Variants in TTBK2 observed in about 807,000 individuals in gnomAD.
TTBK2 encodes the protein tau tubulin kinase 2, also known as tau-tubulin kinase 2.
In TTBK2, 28 loss-of-function variants were observed where a neutral mutation model predicts 110.8. The ratio of observed to expected loss-of-function variants is 0.25; its 90% CI spans 0.19 to 0.35. The LOEUF (loss-of-function observed/expected upper bound fraction) is 0.35, where lower values mean the gene tolerates loss of function less well. TTBK2 is among the 10% of genes least tolerant of loss of function. The pLI is 1.00. For synonymous variants in TTBK2, 532 were observed against 527.3 expected, an observed-to-expected ratio of 1.01 and a Z score of -0.12; for missense variants, 1,369 against 1,500.3, an observed-to-expected ratio of 0.91 and a Z score of 1.45.
chr15:42,784,380 C>A (rs1180568211), intron 10 of TTBK2, among the ~76,000 whole-genome samples: 2 of 152,012 alleles, frequency 1.3e-5, no homozygotes, highest in Non-Finnish European at 2.9e-5. Context: ...CGGATTCAAG[C>A]GATTCTCCTG....
intron 3 of TTBK2, among the ~76,000 whole-genome samples, chr15:42,864,367 C>T (rs1024197372): frequency 1.3e-5 from 2 of 151,064 alleles, no homozygotes; most frequent in African/African-American, 4.8e-5. Flanking sequence ...GGCAGATCAC[C>T]TGAAGTCAGG....
chr15:42,833,756 T>C (rs536437030), intron 4 of TTBK2, among the ~76,000 whole-genome samples: 1 of 152,056 alleles, frequency 6.6e-6, no homozygotes, highest in South Asian at 2.1e-4. Flanking sequence ...ACATCTGCAA[T>C]CCCAGCACTT....
chr15:42,909,493 C>T (rs2030620546), intron 1 of TTBK2, among the ~76,000 whole-genome samples: 1 of 152,194 alleles, frequency 6.6e-6, no homozygotes, highest in Non-Finnish European at 1.5e-5. Flanking sequence ...CAAGGAAAAT[C>T]CTCCTCTCGC....
intron 13 of TTBK2, among the ~76,000 whole-genome samples, chr15:42,765,041 C>A (rs1283659633): frequency 6.6e-6 from 1 of 152,220 alleles, no homozygotes; most frequent in Non-Finnish European, 1.5e-5. Context: ...GCTGAAGGAT[C>A]TGACTGTTAG....
chr15:42,864,968 A>C (rs1894308362), intron 3 of TTBK2, among the ~76,000 whole-genome samples: 2 of 152,184 alleles, frequency 1.3e-5, no homozygotes, highest in South Asian at 4.1e-4. Flanking sequence ...ATATATGATG[A>C]CTACAATGAT....
chr15:42,874,627 TA>T (rs1231664209), intron 2 of TTBK2, among the ~76,000 whole-genome samples: 3 of 151,498 alleles, frequency 2.0e-5, no homozygotes, highest in Non-Finnish European at 4.4e-5. Flanking sequence ...GATCCTGCTT[TA>T]TTTTCATTTG....
At position 42,810,648 on chromosome 15, in the gene TTBK2, G is replaced by A; in HGVS notation, c.788C>T (p.Ser263Phe). The change falls in exon 9 of 15, where the codon TCT becomes TTT. Residue 263 changes from serine (S) to phenylalanine (F), a missense_variant. Around this residue, in one of 4 missense-constraint regions of TTBK2, gnomAD observed 138 missense variants for 179.0 expected, o/e 0.77. Coordinates refer to ENST00000267890, the MANE Select transcript of TTBK2 (RefSeq NM_173500.4). ...PEFSIFLDHISSLDYFTKPDY... is the reference protein window; with the variant it reads ...PEFSIFLDHIFSLDYFTKPDY... ...TGGTTTTGTAAAATAATCCAAAGAAGAGATATGGTCTAGAAAGATGCTGAA... is the reference window on the plus strand; with the variant it reads ...TGGTTTTGTAAAATAATCCAAAGAAAAGATATGGTCTAGAAAGATGCTGAA... The A allele has an allele frequency of 6.2e-7, 1 of 1,614,012 alleles. No homozygotes were observed.
chr15:42,776,345 C>T (rs1567017343), intron 12 of TTBK2, among the ~76,000 whole-genome samples: 1 of 152,192 alleles, frequency 6.6e-6, no homozygotes, highest in Non-Finnish European at 1.5e-5. Context: ...GCGAATACTA[C>T]TGAAGTTTCT....
chr15:42,865,400 A>T (rs1894325907), intron 3 of TTBK2, among the ~76,000 whole-genome samples: 1 of 151,352 alleles, frequency 6.6e-6, no homozygotes, highest in Non-Finnish European at 1.5e-5. Flanking sequence ...GAGAGGTTGC[A>T]GTGAGCCGAG....
rs1476131991 is a variant in TTBK2 at position 42,745,795 on chromosome 15, C to A, written c.3735G>T (p.Ter1245TyrextTer15). The A allele has an allele frequency of 6.2e-7, 1 of 1,614,054 alleles. No homozygotes were observed. Among genetic ancestry groups the A allele is most frequent in the Admixed American group, 1.7e-5 (1 of 60,022 alleles). Residue 1245 changes from the stop codon to tyrosine, a stop_lost, in exon 15 of 15, where the codon TAG becomes TAT. Coordinates refer to ENST00000267890, the MANE Select transcript of TTBK2 (RefSeq NM_173500.4). The stretch of plus-strand genomic sequence containing the variant: ...CTTTCAAAGAGATGCAGCCTGGCTC[C>A]TATCTGCTGAGTTTACTGGCTGGCT... ...KSKPASKLSR[*>Y] is the part of the protein sequence containing the mutation.
rs1567040408 is a variant in TTBK2 at position 42,815,931 on chromosome 15, AATATATATATATATATTT to A, written c.603+1083_603+1100del. On this transcript the variant is annotated intron_variant, in intron 7 of 14. Coordinates refer to ENST00000267890, the MANE Select transcript of TTBK2 (RefSeq NM_173500.4). ...ATTTAAAAATATATATATATTTAAA[AATATATATATATATATTT>A]AAAAAAAAAATATATATATATATAT... is the stretch of plus-strand genomic sequence containing the variant. 2.0e-3 allele frequency among the ~76,000 whole-genome samples: 99 copies of A among 50,516 alleles called. 1 individual carries two copies. Among genetic ancestry groups the A allele is most frequent in the African/African-American group, 8.6e-3 (91 of 10,618 alleles). 33.1% of individuals were successfully genotyped at this position (50,516 alleles called of 152,430 possible). A position where few individuals can be genotyped will look rare whatever the true frequency, so the allele number is the denominator to read the frequency against.
At chr15:42,793,818 C>A (rs1300074294) in intron 10 of TTBK2, among the ~76,000 whole-genome samples, 1 of 149,500 alleles carries the variant, frequency 6.7e-6, no homozygotes, top group Non-Finnish European at 1.5e-5. Flanking sequence ...GCCTGGGCAA[C>A]AAGAATGAAA....
intron 1 of TTBK2, among the ~76,000 whole-genome samples, chr15:42,910,268 TAA>T (rs879406053): frequency 1.5e-5 from 2 of 132,944 alleles, no homozygotes; most frequent in Admixed American, 7.5e-5. Context: ...ATCTACACAA[TAA>T]AAAAAAAAAA....
At chr15:42,779,276 G>A in intron 11 of TTBK2, among the ~76,000 whole-genome samples, 1 of 152,074 alleles carries the variant, frequency 6.6e-6, no homozygotes, top group Non-Finnish European at 1.5e-5. Flanking sequence ...AGGTGTGGTG[G>A]TGCATGCCTG....
At chr15:42,828,625 A>G (rs1892627879) in intron 5 of TTBK2, among the ~76,000 whole-genome samples, 1 of 150,902 alleles carries the variant, frequency 6.6e-6, no homozygotes, top group Non-Finnish European at 1.5e-5. Context: ...CAGGAAGCTG[A>G]GGCAGGAGAA....
At chr15:42,817,361 C>T (rs1453514400) in intron 6 of TTBK2, among the ~76,000 whole-genome samples, 1 of 151,818 alleles carries the variant, frequency 6.6e-6, no homozygotes, top group African/African-American at 2.4e-5. Context: ...GCATTTATGA[C>T]ATCTATACAA....
At position 42,757,265 on chromosome 15, in the gene TTBK2, C is replaced by G. The variant is rs970625939; in HGVS notation, c.1999-4018G>C. Among the ~76,000 whole-genome samples, 5 of 134,350 alleles carry G rather than the reference C, an allele frequency of 3.7e-5. No homozygotes were observed. The South Asian group carries it at 1.0e-3, about 28-fold the overall frequency. 88.1% of individuals were successfully genotyped at this position (134,350 alleles called of 152,430 possible). A position where few individuals can be genotyped will look rare whatever the true frequency, so the allele number is the denominator to read the frequency against. On this transcript the variant is annotated intron_variant, in intron 13 of 14. Coordinates refer to ENST00000267890, the MANE Select transcript of TTBK2 (RefSeq NM_173500.4). ...GAGACTACAGGCATGTAGCACCACACCAGCTAATTAAAAAAAAAAAAAATT... is the reference window on the plus strand; with the variant it reads ...GAGACTACAGGCATGTAGCACCACAGCAGCTAATTAAAAAAAAAAAAAATT...
At chr15:42,798,384 C>G (rs1334398008) in intron 9 of TTBK2, 1 of 431,538 alleles carries the variant, frequency 2.3e-6, no homozygotes, top group Non-Finnish European at 4.6e-6. Context: ...ATCTAGTATA[C>G]ATCTGACTCC....
At chr15:42,867,710 G>A (rs1313673480) in intron 3 of TTBK2, among the ~76,000 whole-genome samples, 2 of 152,188 alleles carry the variant, frequency 1.3e-5, no homozygotes, top group Non-Finnish European at 2.9e-5. Flanking sequence ...TGGAACAACA[G>A]GAACTCTCAT....
Sources: allele counts gnomAD v4.1 joint callset (sites outside exome capture counted in the v4.1 genomes callset), GRCh38; gene constraint gnomAD v4.1.1; regional missense constraint gnomAD v4.1.1; transcripts MANE v1.5; gene names NCBI Gene and HGNC (gene_info 2026-07-23, HGNC 2026-07-21).